Variants in LRP1B observed in about 807,000 individuals in gnomAD.
LRP1B encodes low-density lipoprotein receptor-related protein 1B.
A neutral mutation model predicts 556.6 loss-of-function variants in LRP1B; 217 were observed. The ratio of observed to expected loss-of-function variants is 0.39; its 90% CI spans 0.35 to 0.44. The LOEUF is 0.44. LRP1B is among the 20% of genes least tolerant of loss of function. The probability of loss-of-function intolerance (pLI) is 1.00; values close to 1 mark genes in which losing one functional copy is unlikely to be tolerated. For missense variants in LRP1B, 5,053 were observed against 5,620.8 expected, an observed-to-expected ratio of 0.90 and a Z score of 3.23; for synonymous variants, 2,047 against 1,865.8, an observed-to-expected ratio of 1.10 and a Z score of -2.50.
At chr2:141,954,459 C>T (rs1183077330) in intron 1 of LRP1B, among the ~76,000 whole-genome samples, 2 of 152,030 alleles carry the variant, frequency 1.3e-5, no homozygotes, top group African/African-American at 2.4e-5. Flanking sequence ...GGTCAAACTG[C>T]CTCTGCCACT....
intron 2 of LRP1B, among the ~76,000 whole-genome samples, chr2:141,643,880 A>G (rs779632527): frequency 2.6e-5 from 4 of 152,088 alleles, no homozygotes; most frequent in Non-Finnish European, 4.4e-5. Flanking sequence ...GAACAGTAAT[A>G]TTAATAACAG....
chr2:140,910,077 A>C (rs1694372806), intron 21 of LRP1B, among the ~76,000 whole-genome samples: 1 of 137,380 alleles, frequency 7.3e-6, no homozygotes, highest in South Asian at 2.5e-4. Flanking sequence ...AAAACCAGAA[A>C]AATCATTCAG....
At chr2:140,775,451 T>C (rs12624099) in intron 33 of LRP1B, among the ~76,000 whole-genome samples, 125,800 of 144,372 alleles carry the variant, frequency 0.87, 55,116 homozygotes, top group East Asian at 1. Flanking sequence ...AAGTACAGTA[T>C]ATTTTTTTTT....
intron 66 of LRP1B, among the ~76,000 whole-genome samples, chr2:140,402,537 T>C (rs1684552396): frequency 6.6e-6 from 1 of 152,180 alleles, no homozygotes; most frequent in Non-Finnish European, 1.5e-5. Context: ...CTACTTGGAA[T>C]ATCAACATTC....
chr2:141,110,035 C>T (rs1048700799), intron 7 of LRP1B, among the ~76,000 whole-genome samples: 5 of 152,082 alleles, frequency 3.3e-5, no homozygotes, highest in East Asian at 1.9e-4. Context: ...AAACTACTTA[C>T]ATGAAAATAA....
chr2:141,290,278 A>C (rs1255423863), intron 3 of LRP1B, among the ~76,000 whole-genome samples: 1 of 152,198 alleles, frequency 6.6e-6, no homozygotes, highest in Non-Finnish European at 1.5e-5. Flanking sequence ...AATAGAAAGA[A>C]TGATAAGATT....
At chr2:142,124,627 A>C (rs1707574479) in intron 1 of LRP1B, among the ~76,000 whole-genome samples, 1 of 151,890 alleles carries the variant, frequency 6.6e-6, no homozygotes, top group Non-Finnish European at 1.5e-5. Context: ...CAATATAGTA[A>C]ATTCTCTTTG....
At chr2:141,812,420 G>T (rs761104503) in intron 1 of LRP1B, among the ~76,000 whole-genome samples, 1 of 152,004 alleles carries the variant, frequency 6.6e-6, no homozygotes, top group East Asian at 1.9e-4. Flanking sequence ...GCTACTTTGC[G>T]TTTGATCTAC....
At chr2:140,725,099 T>C (rs1687545421) in intron 35 of LRP1B, among the ~76,000 whole-genome samples, 1 of 152,214 alleles carries the variant, frequency 6.6e-6, no homozygotes, top group South Asian at 2.1e-4. Flanking sequence ...CTAAAATCTT[T>C]CATATTTTCT....
At chr2:141,832,163 A>G (rs937447207) in intron 1 of LRP1B, among the ~76,000 whole-genome samples, 1 of 151,378 alleles carries the variant, frequency 6.6e-6, no homozygotes, top group African/African-American at 2.4e-5. Flanking sequence ...AATGACTATC[A>G]CTCAATTTTT....
intron 1 of LRP1B, among the ~76,000 whole-genome samples, chr2:141,927,553 C>T (rs1321769039): frequency 6.6e-6 from 1 of 152,034 alleles, no homozygotes; most frequent in Non-Finnish European, 1.5e-5. Context: ...ATATCCTAAT[C>T]AGTGCCATGC....
At chr2:140,473,549 T>G (rs578205359) in intron 60 of LRP1B, among the ~76,000 whole-genome samples, 1 of 151,950 alleles carries the variant, frequency 6.6e-6, no homozygotes, top group Non-Finnish European at 1.5e-5. Context: ...ATAAGTGACA[T>G]GATTTTTTAA....
chr2:140,679,166 G>A (rs1036543694), intron 41 of LRP1B, among the ~76,000 whole-genome samples: 14 of 152,086 alleles, frequency 9.2e-5, no homozygotes, highest in African/African-American at 3.1e-4. Flanking sequence ...CTAATTTGCT[G>A]CTATTAGAAG....
rs1291674648 is a variant in LRP1B, at chr2:140,442,031, G to A, written c.10414+473C>T. On this transcript the variant is annotated intron_variant, in intron 66 of 90. Transcript: ENST00000389484. ...GCAAATGCTGACTGAAATGATCACT[G>A]TCATCTACTAATATGGAACAGATGC... Among the ~76,000 whole-genome samples the A allele has an allele frequency of 3.3e-5, 5 of 151,964 alleles. No individual in the cohort carries two copies. In the East Asian group the frequency reaches 7.7e-4, roughly 23 times the overall value.
intron 2 of LRP1B, among the ~76,000 whole-genome samples, chr2:141,486,448 A>G (rs993037639): frequency 6.6e-5 from 10 of 152,114 alleles, no homozygotes; most frequent in South Asian, 4.1e-4. Context: ...TCCATCAAAT[A>G]TCTCTTCTGA....
Position 141,243,784 on chromosome 2 carries a change from T to C in LRP1B, c.592+3442A>G, listed in dbSNP as rs537854622. ...TTTATTTCATTAGTCAGAGACAATC[T>C]TACTAAGCGTAGAAAGGAGAAAATT... is the stretch of plus-strand genomic sequence containing the variant. On this transcript the variant is annotated intron_variant, in intron 5 of 90. Transcript: ENST00000389484. Among the ~76,000 whole-genome samples the C allele has an allele frequency of 8.5e-5, 13 of 152,276 alleles. No homozygotes were observed. The South Asian group carries it at 1.7e-3, about 19-fold the overall frequency.
At chr2:141,118,701 T>TA (rs1314220079) in intron 7 of LRP1B, among the ~76,000 whole-genome samples, 1 of 151,970 alleles carries the variant, frequency 6.6e-6, no homozygotes, top group Non-Finnish European at 1.5e-5. Flanking sequence ...ATTTAGTTTT[T>TA]AACTGTCACA....
intron 2 of LRP1B, among the ~76,000 whole-genome samples, chr2:141,687,338 A>G (rs960665285): frequency 3.9e-5 from 6 of 151,986 alleles, no homozygotes; most frequent in African/African-American, 1.4e-4. Flanking sequence ...TTACCCAATT[A>G]CATTTTATAA....
At chr2:141,648,724 G>C (rs1432136428) in intron 2 of LRP1B, among the ~76,000 whole-genome samples, 1 of 152,164 alleles carries the variant, frequency 6.6e-6, no homozygotes, top group Non-Finnish European at 1.5e-5. Context: ...GGAGTGAACA[G>C]GTAGGTGTGA....
Sources: allele counts gnomAD v4.1 joint callset (sites outside exome capture counted in the v4.1 genomes callset), GRCh38; gene constraint gnomAD v4.1.1; transcripts MANE v1.5; gene names NCBI Gene and HGNC (gene_info 2026-07-23, HGNC 2026-07-21).